Variants in UPB1 observed in about 807,000 individuals in gnomAD.
UPB1 encodes beta-ureidopropionase.
Under a neutral mutation model 49.1 loss-of-function variants are expected in UPB1, and 40 were observed. The ratio of observed to expected loss-of-function variants is 0.81; its 90% CI spans 0.63 to 1.06. The LOEUF is 1.06. Ranked by LOEUF, UPB1 falls within the 50% of genes least tolerant of loss-of-function variation. The pLI, the probability that UPB1 is intolerant of heterozygous loss-of-function variation, is 0.00. For missense variants in UPB1, 499 were observed against 505.9 expected (o/e 0.99, Z 0.13); for synonymous variants, 207 against 198.2 (o/e 1.04, Z -0.38).
At chr22:24,500,018 T>C in intron 1 of UPB1, 89 bp from the exon 2 acceptor site, 1 of 1,597,042 alleles carries the variant, frequency 6.3e-7, no homozygotes, top group South Asian at 1.1e-5. Context: ...CCTCTTTGGC[T>C]GATAAATAGC....
intron 9 of UPB1, among the ~76,000 whole-genome samples, chr22:24,524,527 A>G (rs2044449620): frequency 6.6e-6 from 1 of 152,190 alleles, no homozygotes; most frequent in African/African-American, 2.4e-5. Flanking sequence ...TGGCTCTGTC[A>G]TCTAGGCTGG....
At chr22:24,506,724 A>G (rs1318517150) in intron 3 of UPB1, among the ~76,000 whole-genome samples, 1 of 150,228 alleles carries the variant, frequency 6.7e-6, no homozygotes, top group African/African-American at 2.5e-5. Flanking sequence ...GTTTTTCCCA[A>G]CTCTCCACCC....
intron 1 of UPB1, among the ~76,000 whole-genome samples, chr22:24,497,368 A>G (rs3788371): frequency 0.037 from 5,611 of 152,266 alleles, 185 homozygotes; most frequent in South Asian, 0.11. Context: ...CCATGAGCAC[A>G]TGTCTCTTTT....
At chr22:24,497,255 ATTG>A (rs1311036685) in intron 1 of UPB1, among the ~76,000 whole-genome samples, 4 of 152,184 alleles carry the variant, frequency 2.6e-5, no homozygotes, top group Admixed American at 6.5e-5. Flanking sequence ...GACATAAAAC[ATTG>A]TTAAGAGGGG....
intron 3 of UPB1, 49 bp from the exon 4 acceptor site, chr22:24,510,700 C>G: frequency 6.3e-7 from 1 of 1,589,968 alleles, no homozygotes. Context: ...GAGCCCCCCT[C>G]AGAGGCTGTG....
intron 4 of UPB1, among the ~76,000 whole-genome samples, chr22:24,512,794 T>C (rs1260156373): frequency 6.6e-6 from 1 of 152,222 alleles, no homozygotes; most frequent in East Asian, 1.9e-4. Context: ...AGTATTTGTC[T>C]TTTTGGGACT....
intron 5 of UPB1, among the ~76,000 whole-genome samples, chr22:24,514,733 G>A (rs776058363): frequency 2.0e-5 from 3 of 152,168 alleles, no homozygotes; most frequent in Non-Finnish European, 4.4e-5. Flanking sequence ...TCATTTGGGC[G>A]AGCTATGCCC....
At chr22:24,525,266 C>A (rs1014625354) in intron 9 of UPB1, among the ~76,000 whole-genome samples, 1 of 152,114 alleles carries the variant, frequency 6.6e-6, no homozygotes, top group Admixed American at 6.5e-5. Context: ...CTTTCCAACT[C>A]CACCAGCCTC....
At chr22:24,510,942 G>C in intron 4 of UPB1, 99 bp downstream of exon 4, 2 of 1,229,172 alleles carry the variant, frequency 1.6e-6, no homozygotes, top group Non-Finnish European at 2.4e-6. Flanking sequence ...CATGGAAAAT[G>C]CACCCATTTG....
Position 24,500,145 on chromosome 22 carries a change from C to G in UPB1, c.143C>G (p.Ser48Cys), listed in dbSNP as rs145989498. The G allele has an allele frequency of 6.2e-4, 993 of 1,614,208 alleles. 1 individual carries two copies. The highest frequency in any genetic ancestry group is 7.8e-4 in the Non-Finnish European group (920 of 1,180,046). Reference protein sequence around the residue: ...DLPREAFEAASREDFELQGYA... With the variant: ...DLPREAFEAACREDFELQGYA... ...CCCAGGGAAGCTTTCGAAGCTGCCT[C>G]CAGAGAAGACTTTGAACTGCAGGGA... Residue 48 changes from serine to cysteine, a missense_variant, in exon 2 of 10, where the codon TCC becomes TGC. By Grantham distance (112) the Ser-to-Cys change is moderately radical (BLOSUM62 -1). Transcript: ENST00000326010.
chr22:24,504,077 C>G (rs5760459), intron 3 of UPB1, among the ~76,000 whole-genome samples: 73,919 of 151,992 alleles, frequency 0.49, 18,727 homozygotes, highest in Non-Finnish European at 0.56. Flanking sequence ...GTTGGACAGA[C>G]AGGCATTAGG....
chr22:24,498,430 G>C (rs1040148597), intron 1 of UPB1, among the ~76,000 whole-genome samples: 1 of 152,172 alleles, frequency 6.6e-6, no homozygotes, highest in Non-Finnish European at 1.5e-5. Context: ...GTAATGCACC[G>C]CCTTTGATAA....
chr22:24,502,913 A>C (rs899765788), intron 3 of UPB1: 3 of 193,294 alleles, frequency 1.6e-5, no homozygotes, highest in Non-Finnish European at 3.2e-5. Flanking sequence ...TTTTTTTTTA[A>C]GACAAGGACT....
intron 3 of UPB1, among the ~76,000 whole-genome samples, chr22:24,506,021 A>ATTTTTT: frequency 1.2e-5 from 1 of 85,642 alleles, no homozygotes; most frequent in South Asian, 3.8e-4. Flanking sequence ...CCCTAACTGC[A>ATTTTTT]TTTTTTTTTT....
intron 3 of UPB1, among the ~76,000 whole-genome samples, chr22:24,504,044 T>A (rs964272734): frequency 1.3e-5 from 2 of 152,234 alleles, no homozygotes; most frequent in Non-Finnish European, 2.9e-5. Context: ...AAGTTTCACG[T>A]ATGAGGGACC....
At chr22:24,506,021 ATTT>A (rs71189255) in intron 3 of UPB1, among the ~76,000 whole-genome samples, 1 of 85,640 alleles carries the variant, frequency 1.2e-5, no homozygotes. Flanking sequence ...CCCTAACTGC[ATTT>A]TTTTTTTTTT....
At chr22:24,508,984 T>G (rs1163389810) in intron 3 of UPB1, among the ~76,000 whole-genome samples, 1 of 152,008 alleles carries the variant, frequency 6.6e-6, no homozygotes, top group African/African-American at 2.4e-5. Context: ...TTCTCCACAT[T>G]GAGAAAGAAA....
rs755377513 is a variant in UPB1, at chr22:24,500,122, C to A, written c.120C>A (p.Pro40=). The change falls in exon 2 of 10, where the codon CCC becomes CCA. Residue 40 remains proline (P), a synonymous_variant. Coordinates refer to ENST00000326010, the MANE Select transcript of UPB1 (RefSeq NM_016327.3). ...GCCCATCTAGGAAGCTTGATCTGCC[C>A]AGGGAAGCTTTCGAAGCTGCCTCCA... is the stretch of plus-strand genomic sequence containing the variant. ...YGKELRKLDL[P]REAFEAASRE... 1.9e-6 allele frequency: 3 copies of A among 1,614,190 alleles called. No homozygotes were observed. The highest frequency in any genetic ancestry group is 1.7e-6 in the Non-Finnish European group (2 of 1,180,046).
chr22:24,521,546 A>G (rs766482736), intron 7 of UPB1, among the ~76,000 whole-genome samples: 12 of 152,210 alleles, frequency 7.9e-5, no homozygotes, highest in Non-Finnish European at 1.2e-4. Flanking sequence ...ATGTAACCCC[A>G]TCACAGGTTG....
Sources: allele counts gnomAD v4.1 joint callset (sites outside exome capture counted in the v4.1 genomes callset), GRCh38; gene constraint gnomAD v4.1.1; transcripts MANE v1.5; gene names NCBI Gene and HGNC (gene_info 2026-07-23, HGNC 2026-07-21).